Variants in HSD17B13 observed in about 807,000 individuals in gnomAD.
The protein encoded by HSD17B13 is 17-beta-hydroxysteroid dehydrogenase 13.
In HSD17B13, 26 loss-of-function variants were observed where a neutral mutation model predicts 31.1. The observed-to-expected ratio is 0.84, with a 90% CI of 0.61 to 1.16. The LOEUF (loss-of-function observed/expected upper bound fraction) is 1.16. Ranked by LOEUF, HSD17B13 falls within the 50% of genes most tolerant of loss-of-function variation. The pLI is 0.00. For synonymous variants in HSD17B13, 141 were observed against 133.7 expected (o/e 1.05, Z -0.38); for missense variants, 374 against 366.5 (o/e 1.02, Z -0.17).
chr4:87,311,052 C>A (rs968085503), intron 5 of HSD17B13, among the ~76,000 whole-genome samples: 1 of 152,152 alleles, frequency 6.6e-6, no homozygotes, highest in African/African-American at 2.4e-5. Context: ...CCTCACTGCT[C>A]ATTATAAGCT....
At chr4:87,307,402 A>T (rs79087087) in intron 6 of HSD17B13, among the ~76,000 whole-genome samples, 2,984 of 152,290 alleles carry the variant, frequency 0.02, 101 homozygotes, top group African/African-American at 0.068. Context: ...AATTTTCAAT[A>T]TTAATATGAC....
Position 87,310,320 on chromosome 4 carries a change from A to C in HSD17B13, c.735T>G (p.Ser245Arg). 6.4e-7 allele frequency: 1 copy of C among 1,571,978 alleles called. No homozygotes were observed. Among genetic ancestry groups the C allele is most frequent in the Non-Finnish European group, 8.6e-7 (1 of 1,164,442 alleles). ...TATTGGTAAGTATTCCATCTATCAG[A>C]CTTCTTACGACTTCATCTGTCTCCA... is the stretch of plus-strand genomic sequence containing the variant. ...PVLETDEVVR[S>R]LIDGILTNKK... The change falls in exon 6 of 7, where the codon AGT becomes AGG. Residue 245 changes from serine (S) to arginine (R), a missense_variant. Transcript: ENST00000328546.
rs1246887608 is a variant in HSD17B13 at position 87,308,486 on chromosome 4, A to G, written c.812+1757T>C. Among the ~76,000 whole-genome samples the G allele has an allele frequency of 2.0e-4, 3 of 15,384 alleles. 1 individual carries two copies. The highest frequency in any genetic ancestry group is 1.3e-3 in the Admixed American group (3 of 2,334). 10.1% of individuals were successfully genotyped at this position (15,384 alleles called of 152,430 possible). ...AACAGGGTGAAACCCCGTCTCTACTAAAAAAAAAAAAAAAAAAAAAAAAAA... is the reference window on the plus strand; with the variant it reads ...AACAGGGTGAAACCCCGTCTCTACTGAAAAAAAAAAAAAAAAAAAAAAAAA... On this transcript the variant is annotated intron_variant, in intron 6 of 6. Coordinates refer to ENST00000328546, the MANE Select transcript of HSD17B13 (RefSeq NM_178135.5).
chr4:87,312,629 A>C (rs1232367789), intron 5 of HSD17B13, among the ~76,000 whole-genome samples: 2 of 138,710 alleles, frequency 1.4e-5, no homozygotes, highest in Non-Finnish European at 3.0e-5. Context: ...TCCCGGGTTC[A>C]CGCCATTCTC....
intron 5 of HSD17B13, among the ~76,000 whole-genome samples, chr4:87,313,086 C>CT (rs143987744): frequency 2.0e-5 from 3 of 149,728 alleles, no homozygotes; most frequent in Middle Eastern, 3.4e-3. Context: ...AAAACAAAAA[C>CT]TTTTTTTTTT....
chr4:87,312,073 T>C (rs1013255023), intron 5 of HSD17B13, among the ~76,000 whole-genome samples: 5 of 152,140 alleles, frequency 3.3e-5, no homozygotes, highest in Admixed American at 6.5e-5. Flanking sequence ...CAGAGTTCCA[T>C]TATCCTTACT....
intron 1 of HSD17B13, among the ~76,000 whole-genome samples, chr4:87,321,816 T>G (rs1734793857): frequency 6.6e-6 from 1 of 152,236 alleles, no homozygotes; most frequent in African/African-American, 2.4e-5. Context: ...TAATGGTAAT[T>G]AAAACCACTG....
intron 4 of HSD17B13, among the ~76,000 whole-genome samples, chr4:87,314,543 G>T (rs563914077): frequency 1.3e-5 from 2 of 151,978 alleles, no homozygotes; most frequent in African/African-American, 4.8e-5. Context: ...CATCCTTAAC[G>T]CCTCTCACCT....
intron 2 of HSD17B13, among the ~76,000 whole-genome samples, chr4:87,317,562 A>G (rs1734680155): frequency 1.6e-5 from 1 of 61,022 alleles, no homozygotes; most frequent in Non-Finnish European, 3.0e-5. Context: ...TTTTCTTTAA[A>G]CTTTTTTTTT....
intron 2 of HSD17B13, among the ~76,000 whole-genome samples, chr4:87,318,104 T>C (rs1317924876): frequency 6.6e-6 from 1 of 152,206 alleles, no homozygotes; most frequent in Non-Finnish European, 1.5e-5. Flanking sequence ...CTCACACTTC[T>C]GATCAGAATG....
chr4:87,320,494 C>G (rs925806381), intron 1 of HSD17B13, among the ~76,000 whole-genome samples: 2 of 143,140 alleles, frequency 1.4e-5, no homozygotes, highest in African/African-American at 5.0e-5. Flanking sequence ...TCACACCATT[C>G]TCCTGCCTCA....
rs996605423 is a variant in HSD17B13 at position 87,305,105 on chromosome 4, C to T, written c.*113G>A. The T allele has an allele frequency of 9.1e-6, 5 of 546,784 alleles. No homozygotes were observed. Among genetic ancestry groups the T allele is most frequent in the Non-Finnish European group, 1.5e-5 (5 of 336,964 alleles). 33.9% of individuals were successfully genotyped at this position (546,784 alleles called of 1,614,324 possible). On this transcript the variant is annotated 3_prime_UTR_variant, in exon 7 of 7. Transcript: ENST00000328546. ...CGTTTGACTGCTGCTAGTGCCAAACCAATGTTTTTAATATTATCAGGACTG... is the reference window on the plus strand; with the variant it reads ...CGTTTGACTGCTGCTAGTGCCAAACTAATGTTTTTAATATTATCAGGACTG...
Position 87,322,642 on chromosome 4 carries a change from T to C in HSD17B13, c.200A>G (p.Asp67Gly). The change falls in exon 1 of 7, where the codon GAT (aspartate) becomes GGT (glycine). Residue 67 changes from aspartate (D) to glycine (G), a missense_variant. Physicochemically the swap from Asp to Gly is moderately conservative, Grantham distance 94. Coordinates refer to ENST00000328546, the MANE Select transcript of HSD17B13 (RefSeq NM_178135.5). ...AKRQSILVLW[D>G]INKRGVEETA... ...AGATGTATACATTACCTTATTAATATCCCACAGAACCAATATGCTCTGTCG... is the reference window on the plus strand; with the variant it reads ...AGATGTATACATTACCTTATTAATACCCCACAGAACCAATATGCTCTGTCG... 1 of 1,608,650 alleles carries C rather than the reference T, an allele frequency of 6.2e-7. No homozygotes were observed. Among genetic ancestry groups the C allele is most frequent in the Non-Finnish European group, 8.5e-7 (1 of 1,174,924 alleles).
chr4:87,314,158 T>G lies in HSD17B13; in HGVS notation c.558-198A>C, dbSNP rs1578440376. Among the ~76,000 whole-genome samples, 7 of 151,930 alleles carry G rather than the reference T, an allele frequency of 4.6e-5. 1 individual carries two copies. In the South Asian group the frequency reaches 1.5e-3, roughly 32 times the overall value. ...AGCAGAATTGTGAACGTATCTCATT[T>G]CTTAAACAACAATGATAACAAAAGA... On this transcript the variant is annotated intron_variant, in intron 4 of 6. Transcript: ENST00000328546.
At chr4:87,316,189 A>G (rs1734645646) in intron 3 of HSD17B13, among the ~76,000 whole-genome samples, 1 of 152,240 alleles carries the variant, frequency 6.6e-6, no homozygotes, top group South Asian at 2.1e-4. Flanking sequence ...AGAATTTAAT[A>G]AATCCTATGC....
chr4:87,318,389 A>C lies in HSD17B13; in HGVS notation c.258T>G (p.Thr86=). 3.7e-6 allele frequency: 6 copies of C among 1,614,242 alleles called. No individual in the cohort carries two copies. The highest frequency in any genetic ancestry group is 5.1e-6 in the Non-Finnish European group (6 of 1,180,036). ...TGCAGTCTACCACATACGCATGCGC[A>C]GTGACGCCTAGTTTTCGGCACTCAG... The part of the protein sequence containing the change: ...TAAECRKLGV[T]AHAYVVDCSN... The change falls in exon 2 of 7, where the codon ACT becomes ACG. Residue 86 remains threonine (T), a synonymous_variant. Coordinates refer to ENST00000328546, the MANE Select transcript of HSD17B13 (RefSeq NM_178135.5).
chr4:87,306,905 TAAAAAAAAAAAAAAAAA>T (rs67775053), intron 6 of HSD17B13, among the ~76,000 whole-genome samples: 1 of 44,320 alleles, frequency 2.3e-5, no homozygotes, highest in South Asian at 1.3e-3. Flanking sequence ...AGACCCAATC[TAAAAAAAAAAAAAAAAA>T]AAAAAAAAAA....
intron 4 of HSD17B13, 142 bp from the exon 5 acceptor site, chr4:87,314,102 G>A: frequency 3.9e-6 from 2 of 512,344 alleles, no homozygotes; most frequent in South Asian, 4.5e-5. Flanking sequence ...GAGTATAAAT[G>A]GCAATTCATT....
intron 6 of HSD17B13, among the ~76,000 whole-genome samples, chr4:87,306,740 A>G (rs1050473050): frequency 3.9e-5 from 6 of 152,012 alleles, no homozygotes; most frequent in African/African-American, 1.4e-4. Context: ...CCCTGTCTCT[A>G]CTAAAAATAC....
Sources: allele counts gnomAD v4.1 joint callset (sites outside exome capture counted in the v4.1 genomes callset), GRCh38; gene constraint gnomAD v4.1.1; transcripts MANE v1.5; gene names NCBI Gene and HGNC (gene_info 2026-07-23, HGNC 2026-07-21).